CLCN6: variants seen among roughly 807,000 people sequenced by gnomAD.
CLCN6 encodes H(+)/Cl(-) exchange transporter 6.
A neutral mutation model predicts 109.8 loss-of-function variants in CLCN6; 70 were observed. The ratio of observed to expected loss-of-function variants is 0.64; its 90% confidence interval spans 0.53 to 0.78. CLCN6 has a LOEUF of 0.78. CLCN6 is among the 30% of genes least tolerant of loss of function. The pLI is 0.00. For synonymous variants in CLCN6, 444 were observed against 447.8 expected (o/e 0.99, Z 0.11); for missense variants, 984 against 1,142.3 (o/e 0.86, Z 2.00).
Position 11,829,371 on chromosome 1 carries a change from C to A in CLCN6, c.1248+49C>A, listed in dbSNP as rs764261863. ...TTTATCCCATACCACGAGGAAGAAT[C>A]CAGAAATGTATGACCTTCCTCTGTT... On this transcript the variant is annotated intron_variant, in intron 13 of 22. Coordinates refer to ENST00000346436, the MANE Select transcript of CLCN6 (RefSeq NM_001286.5). 2.5e-6 allele frequency: 4 copies of A among 1,609,110 alleles called. No individual in the cohort carries two copies. In the Admixed American group the frequency reaches 5.0e-5, roughly 20 times the overall value.
In CLCN6 at chr1:11,834,666, G is replaced by A. The variant is rs113366572; in HGVS notation, c.1793+76G>A. 22 of 1,191,084 alleles carry A rather than the reference G, an allele frequency of 1.8e-5. 1 individual carries two copies. Among genetic ancestry groups the A allele is most frequent in the African/African-American group, 1.5e-4 (10 of 65,852 alleles). 73.8% of individuals were successfully genotyped at this position (1,191,084 alleles called of 1,614,324 possible). On this transcript the variant is annotated intron_variant, in intron 17 of 22. Transcript: ENST00000346436. The surrounding 1 kb of genome is among the most constrained non-coding windows in gnomAD (Gnocchi z 4.5). ...AGGCCTAAGGAATGTTGTTATTAGG[G>A]TAGGAAACAGTAACTCACTTTTCTT...
intron 17 of CLCN6, among the ~76,000 whole-genome samples, chr1:11,835,303 C>T (rs1644930142): frequency 6.6e-6 from 1 of 152,162 alleles, no homozygotes; most frequent in South Asian, 2.1e-4. Context: ...GACAGGATCT[C>T]ACTCTGTCGC....
chr1:11,827,079 C>G lies in CLCN6; in HGVS notation c.708-10C>G. On this transcript the variant is annotated splice_polypyrimidine_tract_variant and intron_variant, in intron 9 of 22. Coordinates refer to ENST00000346436, the MANE Select transcript of CLCN6 (RefSeq NM_001286.5). ...CTTTATTGGATAACCCGTCTCTCTC[C>G]TCTCCTCAGAGACAAGAGAGACTTT... The G allele has an allele frequency of 1.2e-6, 2 of 1,613,376 alleles. No individual in the cohort carries two copies. Among genetic ancestry groups the G allele is most frequent in the South Asian group, 1.1e-5 (1 of 90,976 alleles).
Position 11,814,247 on chromosome 1 carries a change from C to CT in CLCN6, c.148-1581dup, listed in dbSNP as rs1197587407. Among the ~76,000 whole-genome samples the CT allele has an allele frequency of 7.9e-3, 1,039 of 131,218 alleles. 14 individuals carry two copies. The highest frequency in any genetic ancestry group is 0.025 in the South Asian group (99 of 3,970). The allele number at this position is 131,218 out of a possible 152,430, so 86.1% of individuals were successfully genotyped here. On this transcript the variant is annotated intron_variant, in intron 2 of 22. Coordinates refer to ENST00000346436, the MANE Select transcript of CLCN6 (RefSeq NM_001286.5). ...TTTCTTTGTTGCCAAACTGCTGCGT[C>CT]TTTTTTTTTTTTTTTTTTGAGAGTG... is the stretch of plus-strand genomic sequence containing the variant.
At chr1:11,816,030 A>T in intron 3 of CLCN6, 119 bp downstream of exon 3, 1 of 752,370 alleles carries the variant, frequency 1.3e-6, no homozygotes, top group Non-Finnish European at 2.3e-6. Flanking sequence ...TTTTCATGCG[A>T]TACAGGCAGA....
In CLCN6 at chr1:11,814,062, AACTC is replaced by A. The variant is rs773175233; in HGVS notation, c.148-1783_148-1780del. 3.1e-4 allele frequency among the ~76,000 whole-genome samples: 47 copies of A among 152,194 alleles called. No individual in the cohort carries two copies. In the Middle Eastern group the frequency reaches 0.01, roughly 33 times the overall value. On this transcript the variant is annotated intron_variant, in intron 2 of 22. Transcript: ENST00000346436. ...GACTCATAAAAAAAGAATTTGGACT[AACTC>A]TAGGTAGTCATATAGATAGAATAAA...
At position 11,840,267 on chromosome 1, in the gene CLCN6, C is replaced by T. The variant is rs370695512; in HGVS notation, c.*44C>T. On this transcript the variant is annotated 3_prime_UTR_variant, in exon 23 of 23. Coordinates refer to ENST00000346436, the MANE Select transcript of CLCN6 (RefSeq NM_001286.5). ...CCTGGTGCTGCCTGGGGAGGCAAAT[C>T]ATGCTCACTCCGGCGGGCACAGCTG... 6.6e-6 allele frequency: 10 copies of T among 1,525,000 alleles called. No individual in the cohort carries two copies. The highest frequency in any genetic ancestry group is 2.7e-6 in the Non-Finnish European group (3 of 1,104,998). The allele number at this position is 1,525,000 out of a possible 1,614,324, so 94.5% of individuals were successfully genotyped here. A position where few individuals can be genotyped will look rare whatever the true frequency, so the allele number is the denominator to read the frequency against.
rs755554098 is a variant in CLCN6 at position 11,807,193 on chromosome 1, G to A, written c.147+3G>A. 1.5e-5 allele frequency: 25 copies of A among 1,613,694 alleles called. No homozygotes were observed. The African/African-American group carries it at 2.9e-4, about 19-fold the overall frequency. On this transcript the variant is annotated splice_donor_region_variant and intron_variant, in intron 2 of 22. Transcript: ENST00000346436. ...TTCTTCCAAGGAAAGACTATGAGGT[G>A]AGCTCCTTTGATACTGCTTGGGCAA...
rs942985770 is a variant in CLCN6, at chr1:11,806,358, C to A, written c.87+9C>A. On this transcript the variant is annotated intron_variant, in intron 1 of 22. Coordinates refer to ENST00000346436, the MANE Select transcript of CLCN6 (RefSeq NM_001286.5). The stretch of plus-strand genomic sequence containing the variant: ...GCACCCCCGAGGAGCTGGTAAGAAG[C>A]CGGCGGAGTCGGCCTGGGGAGGGGG... 13 of 1,510,360 alleles carry A rather than the reference C, an allele frequency of 8.6e-6. No individual in the cohort carries two copies. Among genetic ancestry groups the A allele is most frequent in the African/African-American group, 1.5e-5 (1 of 68,048 alleles). 93.6% of individuals were successfully genotyped at this position (1,510,360 alleles called of 1,614,324 possible).
intron 2 of CLCN6, among the ~76,000 whole-genome samples, chr1:11,814,649 T>G (rs1451129110): frequency 6.6e-6 from 1 of 152,166 alleles, no homozygotes; most frequent in Non-Finnish European, 1.5e-5. Flanking sequence ...GATTTCTGTG[T>G]TTTGTGATGC....
intron 2 of CLCN6, among the ~76,000 whole-genome samples, chr1:11,810,841 G>A (rs1052557379): frequency 6.6e-6 from 1 of 152,144 alleles, no homozygotes; most frequent in African/African-American, 2.4e-5. Context: ...CAAGGCAGGA[G>A]GATCGCTTAA....
chr1:11,813,084 A>G (rs967235246), intron 2 of CLCN6, among the ~76,000 whole-genome samples: 3 of 152,134 alleles, frequency 2.0e-5, no homozygotes, highest in African/African-American at 7.2e-5. Flanking sequence ...ATTTCCTCCC[A>G]CATCCCTATC....
chr1:11,808,211 GTA>G (rs1416239030), intron 2 of CLCN6, among the ~76,000 whole-genome samples: 14 of 139,086 alleles, frequency 1.0e-4, no homozygotes, highest in South Asian at 4.7e-4. Context: ...ATTTTTTATT[GTA>G]TGTGTGTGTG....
rs755256371 is a variant in CLCN6 at position 11,806,282 on chromosome 1, C to G, written c.20C>G (p.Ser7Cys). Reference protein sequence around the residue: MAGCRGSLCCCCRWCCC... With the variant: MAGCRGCLCCCCRWCCC... The stretch of plus-strand genomic sequence containing the variant: ...AGGAAGATGGCGGGGTGCAGGGGGT[C>G]TCTGTGCTGCTGCTGCAGGTGGTGC... The change falls in exon 1 of 23, where the codon TCT (serine) becomes TGT (cysteine). Residue 7 changes from serine to cysteine, a missense_variant. Transcript: ENST00000346436. The G allele has an allele frequency of 6.7e-7, 1 of 1,500,094 alleles. No individual in the cohort carries two copies. Among genetic ancestry groups the G allele is most frequent in the Non-Finnish European group, 8.8e-7 (1 of 1,134,532 alleles). 92.9% of individuals were successfully genotyped at this position (1,500,094 alleles called of 1,614,324 possible). A position where few individuals can be genotyped will look rare whatever the true frequency, so the allele number is the denominator to read the frequency against.
At chr1:11,811,674 G>A (rs61124693) in intron 2 of CLCN6, among the ~76,000 whole-genome samples, 4,657 of 152,170 alleles carry the variant, frequency 0.031, 221 homozygotes, top group African/African-American at 0.11. Context: ...GAGCCACTGC[G>A]CCCAGCTAAT....
chr1:11,818,456 T>C (rs1309604293), intron 4 of CLCN6, among the ~76,000 whole-genome samples: 3 of 152,204 alleles, frequency 2.0e-5, no homozygotes, highest in African/African-American at 7.2e-5. Flanking sequence ...ACACTTCTGG[T>C]CCCAAGCATT....
At chr1:11,821,670 G>A (rs75747410) in intron 5 of CLCN6, among the ~76,000 whole-genome samples, 6,643 of 152,222 alleles carry the variant, frequency 0.044, 215 homozygotes, top group East Asian at 0.12. Flanking sequence ...AGAAAAACTG[G>A]CCAGTAAACC....
intron 9 of CLCN6, among the ~76,000 whole-genome samples, chr1:11,826,480 G>A (rs1466188356): frequency 6.6e-6 from 1 of 152,224 alleles, no homozygotes; most frequent in African/African-American, 2.4e-5. Flanking sequence ...ACCAAGAAAG[G>A]CCACAGACAG....
intron 22 of CLCN6, among the ~76,000 whole-genome samples, chr1:11,839,893 C>T (rs1387468865): frequency 6.6e-6 from 1 of 152,240 alleles, no homozygotes; most frequent in African/African-American, 2.4e-5. Context: ...GAGCGCTGAG[C>T]ATGTGCCCTG....
Sources: gnomAD v4.1 joint callset for allele counts (sites outside exome capture counted in the v4.1 genomes callset) on GRCh38, gnomAD v4.1.1 for gene constraint, Gnocchi (gnomAD v3.1) non-coding constraint, MANE v1.5 for transcripts, NCBI Gene and HGNC (gene_info 2026-07-23, HGNC 2026-07-21) for gene names.